The following HCCS variants were observed in gnomAD, a reference collection of about 807,000 sequenced individuals.
HCCS encodes the protein holocytochrome c synthase, also known as holocytochrome c-type synthase.
HCCS carries 2 observed loss-of-function variants against 24.2 expected under a neutral mutation model. That is an observed-to-expected ratio of 0.08 (90% CI 0.03 to 0.26). The LOEUF (loss-of-function observed/expected upper bound fraction) is 0.26, where lower values mean the gene tolerates loss of function less well. HCCS is among the 10% of genes least tolerant of loss of function. The probability of loss-of-function intolerance (pLI) is 1.00; values close to 1 mark genes in which losing one functional copy is unlikely to be tolerated. For synonymous variants in HCCS, 73 were observed against 76.2 expected (o/e 0.96, Z 0.22); for missense variants, 150 against 213.3 (o/e 0.70, Z 1.85).
In HCCS at chrX:11,114,924, G is replaced by C. The variant is rs191165757; in HGVS notation, c.190G>C (p.Val64Leu). Residue 64 changes from valine to leucine, a missense_variant, in exon 3 of 7, where the codon GTG (valine) becomes CTG (leucine). Physicochemically the swap from Val to Leu is conservative, Grantham distance 32. Transcript: ENST00000380762. ...PAHQERAYEY[V>L]ECPIRGTAAE... ...CCACCAGGAACGCGCCTATGAGTAC[G>C]TGGAGTGTCCCATTAGGGGCACTGC... 1 of 1,205,294 alleles carries C rather than the reference G, an allele frequency of 8.3e-7. No homozygotes were observed. The highest frequency in any genetic ancestry group is 1.1e-6 in the Non-Finnish European group (1 of 889,470).
Position 11,122,617 on chromosome X carries a change from C to T in HCCS, c.*807C>T, listed in dbSNP as rs1303521073. On this transcript the variant is annotated 3_prime_UTR_variant, in exon 7 of 7. Transcript: ENST00000380762. ...TCCACCCTTCCCCACATCAGTCGGC[C>T]TAATCCAAACCTTGAAAGCCTGGCT... The T allele has an allele frequency of 8.9e-6, 1 of 112,396 alleles. No homozygotes were observed. The highest frequency in any genetic ancestry group is 3.2e-5 in the African/African-American group (1 of 30,840). 9.3% of individuals were successfully genotyped at this position (112,396 alleles called of 1,213,427 possible).
Position 11,117,838 on chromosome X carries a change from A to T in HCCS, c.401+423A>T, listed in dbSNP as rs1057034090. Among the ~76,000 whole-genome samples, 4 of 111,716 alleles carry T rather than the reference A, an allele frequency of 3.6e-5. No homozygotes were observed. In the East Asian group the frequency reaches 1.1e-3, roughly 31 times the overall value. Reference sequence around the variant, plus strand: ...TTAAGTCCAAAGGCAGGAAAAGTCCAATGTCCCAGCTCAAGCAGTCATGCA... The same window carrying T: ...TTAAGTCCAAAGGCAGGAAAAGTCCTATGTCCCAGCTCAAGCAGTCATGCA... On this transcript the variant is annotated intron_variant, in intron 4 of 6. Coordinates refer to ENST00000380762, the MANE Select transcript of HCCS (RefSeq NM_005333.5).
At position 11,111,899 on chromosome X, in the gene HCCS, T is replaced by C; in HGVS notation, c.-42-120T>C. On this transcript the variant is annotated intron_variant, in intron 1 of 6. Transcript: ENST00000380762. Reference sequence around the variant, plus strand: ...TATTAAAGCTGTCCTTCGAAGTTAGTACCCTGCCTGGTAGATGCCCATGGG... The same window carrying C: ...TATTAAAGCTGTCCTTCGAAGTTAGCACCCTGCCTGGTAGATGCCCATGGG... 3 of 497,457 alleles carry C rather than the reference T, an allele frequency of 6.0e-6. No individual in the cohort carries two copies. The Admixed American group carries it at 8.3e-5, about 14-fold the overall frequency. 41.0% of individuals were successfully genotyped at this position (497,457 alleles called of 1,213,427 possible). A position where few individuals can be genotyped will look rare whatever the true frequency, so the allele number is the denominator to read the frequency against.
intron 2 of HCCS, among the ~76,000 whole-genome samples, chrX:11,112,654 A>G (rs767288219): frequency 1.2e-4 from 14 of 112,847 alleles, no homozygotes; most frequent in African/African-American, 4.5e-4. Flanking sequence ...AGATGAAGAT[A>G]TAATAATGTT....
At chrX:11,120,815 A>G (rs1426925047) in intron 5 of HCCS, 92 bp from the exon 6 acceptor site, 1 of 716,704 alleles carries the variant, frequency 1.4e-6, no homozygotes, top group Non-Finnish European at 2.2e-6. Flanking sequence ...TGTATACAGG[A>G]AAAAAATGGA....
intron 4 of HCCS, among the ~76,000 whole-genome samples, chrX:11,117,735 A>G (rs2045459259): frequency 8.9e-6 from 1 of 111,869 alleles, no homozygotes; most frequent in African/African-American, 3.3e-5. Flanking sequence ...AGCAAGCTGG[A>G]GACCGAGGAG....
chrX:11,121,342 A>G lies in HCCS; in HGVS notation c.609-270A>G, dbSNP rs775649457. Among the ~76,000 whole-genome samples, 10 of 112,507 alleles carry G rather than the reference A, an allele frequency of 8.9e-5. No homozygotes were observed. In the South Asian group the frequency reaches 3.7e-3, roughly 41 times the overall value. ...TTGCTCACACCTGCATCTCTGCAGT[A>G]TCTCAGCTGACCTCCCTGGCTTAGG... On this transcript the variant is annotated intron_variant, in intron 6 of 6. Coordinates refer to ENST00000380762, the MANE Select transcript of HCCS (RefSeq NM_005333.5).
chrX:11,112,688 A>G (rs2045419201), intron 2 of HCCS, among the ~76,000 whole-genome samples: 1 of 112,935 alleles, frequency 8.9e-6, no homozygotes, highest in East Asian at 2.8e-4. Context: ...ATGATGATTG[A>G]GGTAGTACAT....
intron 5 of HCCS, among the ~76,000 whole-genome samples, chrX:11,119,589 CT>C (rs2045475663): frequency 8.9e-6 from 1 of 112,602 alleles, no homozygotes; most frequent in Admixed American, 9.3e-5. Flanking sequence ...TAATTAATTT[CT>C]TGGCTAAAGT....
At position 11,116,773 on chromosome X, in the gene HCCS, G is replaced by A. The variant is rs751817053; in HGVS notation, c.253-494G>A. ...TCTTCCCACCTTCTGACCTCGCAGC[G>A]TTGAGATGCAAAGACTCATCTGTAA... On this transcript the variant is annotated intron_variant, in intron 3 of 6. Coordinates refer to ENST00000380762, the MANE Select transcript of HCCS (RefSeq NM_005333.5). Among the ~76,000 whole-genome samples the A allele has an allele frequency of 1.1e-4, 12 of 112,474 alleles. No individual in the cohort carries two copies. In the South Asian group the frequency reaches 1.1e-3, roughly 10 times the overall value.
chrX:11,121,312 A>AT (rs2045489858), intron 6 of HCCS, among the ~76,000 whole-genome samples: 1 of 111,848 alleles, frequency 8.9e-6, no homozygotes, highest in African/African-American at 3.3e-5. Context: ...CATACTTGAG[A>AT]TTTTTTGCTC....
intron 2 of HCCS, 59 bp downstream of exon 2, chrX:11,112,219 G>A: frequency 1.1e-6 from 1 of 918,926 alleles, no homozygotes; most frequent in Non-Finnish European, 1.6e-6. Context: ...TGGGTGCGGT[G>A]GTTCACGCCT....
intron 6 of HCCS, among the ~76,000 whole-genome samples, 174 bp downstream of exon 6, chrX:11,121,167 G>A (rs1306173909): frequency 8.9e-6 from 1 of 112,943 alleles, no homozygotes; most frequent in Non-Finnish European, 1.9e-5. Flanking sequence ...ATTTATTAGG[G>A]TGTAGTAGAT....
chrX:11,119,913 T>C, intron 5 of HCCS: 2 of 272,866 alleles, frequency 7.3e-6, no homozygotes, highest in South Asian at 7.2e-5. Flanking sequence ...CCAGTTATTT[T>C]CTGGACGGTC....
At chrX:11,116,017 A>T (rs188183367) in intron 3 of HCCS, 2 of 112,084 alleles carry the variant, frequency 1.8e-5, no homozygotes, top group Non-Finnish European at 3.8e-5. Context: ...CACTTACCCC[A>T]TGGGATCATG....
In HCCS at chrX:11,122,158, T is replaced by G. The variant is rs2045497637; in HGVS notation, c.*348T>G. ...GATGAAAGTTGCTTTTTTTTCTTAC[T>G]ATTTTCTCAGGAATACTCCAGAGAT... On this transcript the variant is annotated 3_prime_UTR_variant, in exon 7 of 7. Coordinates refer to ENST00000380762, the MANE Select transcript of HCCS (RefSeq NM_005333.5). The G allele has an allele frequency of 5.1e-6, 1 of 196,304 alleles. No individual in the cohort carries two copies. Among genetic ancestry groups the G allele is most frequent in the East Asian group, 1.3e-4 (1 of 7,985 alleles). The allele number at this position is 196,304 out of a possible 1,213,427, so 16.2% of individuals were successfully genotyped here.
chrX:11,119,814 A>C (rs546553076), intron 5 of HCCS, among the ~76,000 whole-genome samples: 42 of 112,226 alleles, frequency 3.7e-4, no homozygotes, highest in African/African-American at 1.3e-3. Context: ...GTGTGTTCTA[A>C]TTAAGACCAC....
At position 11,113,002 on chromosome X, in the gene HCCS, G is replaced by A. The variant is rs778130316; in HGVS notation, c.100+842G>A. Among the ~76,000 whole-genome samples, 18 of 112,917 alleles carry A rather than the reference G, an allele frequency of 1.6e-4. No homozygotes were observed. In the East Asian group the frequency reaches 1.7e-3, roughly 10 times the overall value. ...CTGTCTTAATAAATAACTTTTGCTC[G>A]TATAGCCATTTCAGTATTTTCGTAT... On this transcript the variant is annotated intron_variant, in intron 2 of 6. Transcript: ENST00000380762.
intron 3 of HCCS, among the ~76,000 whole-genome samples, chrX:11,116,588 C>T (rs1189573138): frequency 8.9e-6 from 1 of 112,737 alleles, no homozygotes; most frequent in East Asian, 2.8e-4. Flanking sequence ...TGATTTTGCC[C>T]CTCAGGCAAA....
Sources: gnomAD v4.1 joint callset for allele counts (sites outside exome capture counted in the v4.1 genomes callset) on GRCh38, gnomAD v4.1.1 for gene constraint, MANE v1.5 for transcripts, NCBI Gene and HGNC (gene_info 2026-07-23, HGNC 2026-07-21) for gene names.